Variants in CABCOCO1 observed in about 807,000 individuals in gnomAD.
CABCOCO1 encodes the protein ciliary-associated calcium-binding coiled-coil protein 1.
Under a neutral mutation model 35.7 loss-of-function variants are expected in CABCOCO1, and 28 were observed. That is an observed-to-expected ratio of 0.78 (90% CI 0.58 to 1.07). The LOEUF (loss-of-function observed/expected upper bound fraction) is 1.07. Ranked by LOEUF, CABCOCO1 falls within the 50% of genes least tolerant of loss-of-function variation. CABCOCO1 has a pLI of 0.00. For missense variants in CABCOCO1, 326 were observed against 309.2 expected (o/e 1.05, Z -0.41); for synonymous variants, 95 against 100.1 (o/e 0.95, Z 0.30).
intron 5 of CABCOCO1, among the ~76,000 whole-genome samples, chr10:61,744,649 T>C (rs1397436370): frequency 6.6e-6 from 1 of 152,136 alleles, no homozygotes; most frequent in Non-Finnish European, 1.5e-5. Context: ...GGCACACCTA[T>C]GTTGGCTGGC....
chr10:61,692,748 T>C (rs1398850078), intron 5 of CABCOCO1, among the ~76,000 whole-genome samples: 1 of 152,162 alleles, frequency 6.6e-6, no homozygotes, highest in Non-Finnish European at 1.5e-5. Flanking sequence ...GCTTCTGACT[T>C]TCATAAAAAT....
chr10:61,680,673 T>TATATGTTATACATGTATAAC (rs1839740413), intron 2 of CABCOCO1, among the ~76,000 whole-genome samples: 1 of 87,016 alleles, frequency 1.1e-5, no homozygotes, highest in African/African-American at 4.4e-5. Flanking sequence ...ATGTATAACA[T>TATATGTTATACATGTATAAC]ATATGTTATA....
intron 4 of CABCOCO1, among the ~76,000 whole-genome samples, chr10:61,688,867 T>C (rs1339719359): frequency 1.3e-5 from 2 of 152,150 alleles, no homozygotes; most frequent in Admixed American, 6.5e-5. Flanking sequence ...AGCTGAAGTG[T>C]CACTTTGTTC....
rs1021369320 is a variant in CABCOCO1, at chr10:61,766,619, T to C, written c.*606T>C. Reference sequence around the variant, plus strand: ...TGAAGCACTTTAATTTATTCTGTACTGTATTTGTTATTTCTAATCTTGTTA... The same window carrying C: ...TGAAGCACTTTAATTTATTCTGTACCGTATTTGTTATTTCTAATCTTGTTA... On this transcript the variant is annotated 3_prime_UTR_variant, in exon 8 of 8. Transcript: ENST00000648843. 2.6e-5 allele frequency: 4 copies of C among 152,154 alleles called. No individual in the cohort carries two copies. Among genetic ancestry groups the C allele is most frequent in the Non-Finnish European group, 4.4e-5 (3 of 68,048 alleles). The allele number at this position is 152,154 out of a possible 1,614,324, so 9.4% of individuals were successfully genotyped here.
At position 61,681,205 on chromosome 10, in the gene CABCOCO1, T is replaced by C; in HGVS notation, c.227T>C (p.Leu76Pro). Reference protein sequence around the residue: ...LETCLKDAILLDYYVSGFLWA... With the variant: ...LETCLKDAILPDYYVSGFLWA... ...ACTTGTTTAAAGGATGCCATTCTACTAGATTATTATGTATCTGGATTTTTG... is the reference window on the plus strand; with the variant it reads ...ACTTGTTTAAAGGATGCCATTCTACCAGATTATTATGTATCTGGATTTTTG... Residue 76 changes from leucine to proline, a missense_variant, in exon 3 of 8, where the codon CTA becomes CCA. Physicochemically the swap from Leu to Pro is moderately conservative, Grantham distance 98 (BLOSUM62 -3). Transcript: ENST00000648843. The C allele has an allele frequency of 6.5e-7, 1 of 1,535,656 alleles. No homozygotes were observed. The highest frequency in any genetic ancestry group is 1.4e-5 in the African/African-American group (1 of 71,244).
At chr10:61,742,130 G>T (rs983977567) in intron 5 of CABCOCO1, among the ~76,000 whole-genome samples, 1 of 152,146 alleles carries the variant, frequency 6.6e-6, no homozygotes, top group Non-Finnish European at 1.5e-5. Context: ...AAAATTGGGT[G>T]CAAAGAGTGA....
chr10:61,680,691 AACATATATATGTTAT>A (rs1839748542), intron 2 of CABCOCO1, among the ~76,000 whole-genome samples: 1 of 95,394 alleles, frequency 1.0e-5, no homozygotes, highest in Non-Finnish European at 2.1e-5. Flanking sequence ...ATACATGTAT[AACATATATATGTTAT>A]ACATGTATAA....
chr10:61,709,707 T>A (rs1041367249), intron 5 of CABCOCO1, among the ~76,000 whole-genome samples: 94 of 151,044 alleles, frequency 6.2e-4, no homozygotes, highest in Non-Finnish European at 1.2e-3. Flanking sequence ...AAAAAAAAAA[T>A]GTATAGAGAC....
intron 5 of CABCOCO1, among the ~76,000 whole-genome samples, chr10:61,743,564 G>C (rs766839693): frequency 4.6e-4 from 70 of 152,110 alleles, no homozygotes; most frequent in Admixed American, 1.0e-3. Context: ...AAAACCCAAG[G>C]CTTGTAGGAG....
chr10:61,664,608 CACTT>C (rs1391487508), intron 1 of CABCOCO1, among the ~76,000 whole-genome samples: 1 of 152,140 alleles, frequency 6.6e-6, no homozygotes, highest in Non-Finnish European at 1.5e-5. Context: ...TGTGCTCAAT[CACTT>C]AGTAACAAAC....
intron 1 of CABCOCO1, among the ~76,000 whole-genome samples, chr10:61,671,570 C>T (rs1228446021): frequency 6.6e-6 from 1 of 152,166 alleles, no homozygotes; most frequent in Admixed American, 6.5e-5. Flanking sequence ...TCCAACTCAC[C>T]TATTTCAGAA....
rs1839399192 is a variant in CABCOCO1 at position 61,672,777 on chromosome 10, C to T, written c.164+42C>T. 1.0e-5 allele frequency: 10 copies of T among 966,846 alleles called. No homozygotes were observed. In the South Asian group the frequency reaches 3.8e-4, roughly 37 times the overall value. 59.9% of individuals were successfully genotyped at this position (966,846 alleles called of 1,614,324 possible). A position where few individuals can be genotyped will look rare whatever the true frequency, so the allele number is the denominator to read the frequency against. ...TACAATCACATGTAGAAGAACAGTT[C>T]GAGTTCTGCATCTGTAAATGATTGT... On this transcript the variant is annotated intron_variant, in intron 2 of 7. Transcript: ENST00000648843.
chr10:61,688,762 C>T (rs904057504), intron 4 of CABCOCO1, among the ~76,000 whole-genome samples: 3 of 152,176 alleles, frequency 2.0e-5, no homozygotes, highest in African/African-American at 7.2e-5. Flanking sequence ...ATTATTTTCA[C>T]TTCATCTCTC....
chr10:61,680,604 AT>A (rs569810821), intron 2 of CABCOCO1, among the ~76,000 whole-genome samples: 28,502 of 47,734 alleles, frequency 0.6, 6,890 homozygotes, highest in Middle Eastern at 0.75. Context: ...TTATACATGT[AT>A]AACATGTTAT....
chr10:61,732,833 T>C (rs1841334910), intron 5 of CABCOCO1, among the ~76,000 whole-genome samples: 1 of 152,096 alleles, frequency 6.6e-6, no homozygotes. Flanking sequence ...TATCAAAATA[T>C]GTTATCTCCT....
At chr10:61,694,240 C>T (rs1269956696) in intron 5 of CABCOCO1, among the ~76,000 whole-genome samples, 1 of 148,772 alleles carries the variant, frequency 6.7e-6, no homozygotes, top group East Asian at 2.0e-4. Flanking sequence ...AAATGTCACA[C>T]TGTTGGCCTG....
At chr10:61,697,891 G>C (rs1467252727) in intron 5 of CABCOCO1, among the ~76,000 whole-genome samples, 1 of 151,968 alleles carries the variant, frequency 6.6e-6, no homozygotes, top group Non-Finnish European at 1.5e-5. Context: ...CAAGTGTGTT[G>C]CTACCATATT....
At chr10:61,671,064 C>T (rs564180960) in intron 1 of CABCOCO1, among the ~76,000 whole-genome samples, 75 of 152,360 alleles carry the variant, frequency 4.9e-4, no homozygotes, top group Admixed American at 1.0e-3. Context: ...CCGTGGCCCA[C>T]GCCTGTAATC....
intron 5 of CABCOCO1, among the ~76,000 whole-genome samples, chr10:61,744,903 TCGTTTC>T (rs1841624331): frequency 6.6e-6 from 1 of 152,214 alleles, no homozygotes; most frequent in Non-Finnish European, 1.5e-5. Context: ...ATGTATGAGT[TCGTTTC>T]CAAATGTGCG....
Sources: allele counts gnomAD v4.1 joint callset (sites outside exome capture counted in the v4.1 genomes callset), GRCh38; gene constraint gnomAD v4.1.1; transcripts MANE v1.5; gene names NCBI Gene and HGNC (gene_info 2026-07-23, HGNC 2026-07-21).